The following SAMMSON variants were observed in gnomAD, a reference collection of about 807,000 sequenced individuals.
SAMMSON encodes the protein long intergenic non-protein coding RNA 1212.
intron 4 of SAMMSON, among the ~76,000 whole-genome samples, chr3:70,091,026 T>C (rs1191060295): frequency 6.6e-6 from 1 of 152,198 alleles, no homozygotes; most frequent in African/African-American, 2.4e-5. Context: ...TATGTTAGCC[T>C]CTGAGAAAGG....
intron 4 of SAMMSON, among the ~76,000 whole-genome samples, chr3:70,124,775 A>C (rs34951219): frequency 0.22 from 30,561 of 139,764 alleles, 3,575 homozygotes; most frequent in East Asian, 0.52. Flanking sequence ...AGATCGTGCC[A>C]GTGCACTCCA....
At chr3:70,143,105 C>G (rs879378608) in intron 4 of SAMMSON, among the ~76,000 whole-genome samples, 1 of 152,110 alleles carries the variant, frequency 6.6e-6, no homozygotes, top group Non-Finnish European at 1.5e-5. Flanking sequence ...AGACTTGTTA[C>G]TTGACCATTT....
chr3:70,401,584 CT>C (rs1430563257), intron 2 of SAMMSON, among the ~76,000 whole-genome samples: 1 of 149,396 alleles, frequency 6.7e-6, no homozygotes, highest in Non-Finnish European at 1.5e-5. Context: ...TCCAATACTA[CT>C]TTTTCCATAA....
chr3:70,386,144 T>G, intron 9 of SAMMSON, among the ~76,000 whole-genome samples: 1 of 152,088 alleles, frequency 6.6e-6, no homozygotes, highest in East Asian at 1.9e-4. Flanking sequence ...CTGGAAAACA[T>G]GAGTGAAAAT....
chr3:70,355,346 T>C (rs767922086), intron 8 of SAMMSON, among the ~76,000 whole-genome samples: 2 of 151,440 alleles, frequency 1.3e-5, no homozygotes, highest in African/African-American at 4.9e-5. Context: ...TTGAAATGAA[T>C]ACATGCAAAG....
intron 4 of SAMMSON, chr3:70,206,722 A>C: frequency 2.5e-6 from 1 of 397,836 alleles, no homozygotes; most frequent in Non-Finnish European, 4.4e-6. Flanking sequence ...TTGAAGTCAG[A>C]TACTGAATTT....
intron 4 of SAMMSON, among the ~76,000 whole-genome samples, chr3:70,201,576 G>T (rs960203523): frequency 6.6e-6 from 1 of 152,160 alleles, no homozygotes; most frequent in Non-Finnish European, 1.5e-5. Flanking sequence ...TATGGATGAG[G>T]AAACTGAGGC....
intron 4 of SAMMSON, among the ~76,000 whole-genome samples, chr3:70,241,192 C>T (rs963867664): frequency 2.6e-5 from 4 of 152,158 alleles, no homozygotes; most frequent in East Asian, 1.9e-4. Flanking sequence ...ATTGCTAGAA[C>T]GGTTCCTCAT....
intron 4 of SAMMSON, among the ~76,000 whole-genome samples, chr3:70,094,482 C>G (rs2067316716): frequency 6.6e-6 from 1 of 152,196 alleles, no homozygotes; most frequent in Non-Finnish European, 1.5e-5. Context: ...ATTCTCTGCA[C>G]TGTCTGGCTC....
rs181086679 is a variant in SAMMSON at position 70,281,407 on chromosome 3, G to A, written n.675-9772G>A. Among the ~76,000 whole-genome samples the A allele has an allele frequency of 9.1e-4, 138 of 152,166 alleles. 1 individual carries two copies. The highest frequency in any genetic ancestry group is 6.2e-4 in the Non-Finnish European group (42 of 67,998). On this transcript the variant is annotated intron_variant and non_coding_transcript_variant, in intron 6 of 9. Transcript: ENST00000642114. ...ATCATAAGCTTCAGAATTAAACCCC[G>A]TTTTCTAGAATTCTGTCTTTACCAT...
chr3:70,226,329 C>T (rs770568891), intron 4 of SAMMSON, among the ~76,000 whole-genome samples: 2 of 152,234 alleles, frequency 1.3e-5, no homozygotes, highest in Admixed American at 6.5e-5. Flanking sequence ...TGTGATGAGA[C>T]GTATAACAGA....
At chr3:70,156,902 G>T (rs1220930572) in intron 4 of SAMMSON, among the ~76,000 whole-genome samples, 1 of 152,058 alleles carries the variant, frequency 6.6e-6, no homozygotes, top group Non-Finnish European at 1.5e-5. Flanking sequence ...CTTAATGTTT[G>T]CAGTATTTTG....
chr3:70,026,275 T>C (rs965502227), intron 3 of SAMMSON, among the ~76,000 whole-genome samples: 1 of 152,194 alleles, frequency 6.6e-6, no homozygotes, highest in Non-Finnish European at 1.5e-5. Context: ...CAGGAACTAG[T>C]GTTCCTGATT....
intron 7 of SAMMSON, chr3:70,311,792 C>A: frequency 2.5e-6 from 1 of 392,916 alleles, no homozygotes; most frequent in South Asian, 1.4e-4. Flanking sequence ...TTTGAACGGT[C>A]AGGACAATTT....
chr3:70,138,395 A>G (rs1236460293), intron 4 of SAMMSON, among the ~76,000 whole-genome samples: 3 of 152,196 alleles, frequency 2.0e-5, no homozygotes, highest in African/African-American at 4.8e-5. Flanking sequence ...CCCACTTCCT[A>G]GGTGGCTGTT....
intron 7 of SAMMSON, chr3:70,312,729 CGA>C (rs1237496483): frequency 6.9e-6 from 1 of 144,922 alleles, no homozygotes; most frequent in Admixed American, 6.9e-5. Flanking sequence ...AACTTGCGGC[CGA>C]GAGTTTTTTT....
At chr3:70,413,869 C>T (rs1254096406) in intron 2 of SAMMSON, among the ~76,000 whole-genome samples, 1 of 152,024 alleles carries the variant, frequency 6.6e-6, no homozygotes, top group Non-Finnish European at 1.5e-5. Flanking sequence ...AGTTTGCAGT[C>T]CCTTTTGTTA....
intron 4 of SAMMSON, among the ~76,000 whole-genome samples, chr3:70,104,156 G>T (rs936974571): frequency 2.1e-4 from 32 of 151,750 alleles, no homozygotes; most frequent in East Asian, 1.9e-4. Flanking sequence ...TGGGAGTCTT[G>T]GTTTCCTCTT....
chr3:70,014,826 G>A (rs550391702), intron 3 of SAMMSON: 1 of 152,066 alleles, frequency 6.6e-6, no homozygotes, highest in Admixed American at 6.5e-5. Context: ...CAAGACTTGT[G>A]GTGTTAGTTA....
Sources: gnomAD v4.1 joint callset for allele counts (sites outside exome capture counted in the v4.1 genomes callset) on GRCh38, gnomAD v4.1.1 for gene constraint, MANE v1.5 for transcripts, NCBI Gene and HGNC (gene_info 2026-07-23, HGNC 2026-07-21) for gene names.